Variants in SLC26A8 observed in about 807,000 individuals in gnomAD.
SLC26A8 encodes the protein testis anion transporter 1.
A neutral mutation model predicts 105.0 loss-of-function variants in SLC26A8; 70 were observed. The observed-to-expected ratio is 0.67, with a 90% CI of 0.55 to 0.81. The LOEUF (loss-of-function observed/expected upper bound fraction) is 0.81, where lower values mean the gene tolerates loss of function less well. Among genes scored for constraint, SLC26A8 ranks in the 40% least tolerant of loss-of-function variants. The pLI is 0.00. For missense variants in SLC26A8, 998 were observed against 1,181.8 expected, an observed-to-expected ratio of 0.84 and a Z score of 2.28; for synonymous variants, 415 against 438.3, an observed-to-expected ratio of 0.95 and a Z score of 0.66.
At chr6:36,011,697 T>A (rs1374472019) in intron 3 of SLC26A8, among the ~76,000 whole-genome samples, 4 of 152,170 alleles carry the variant, frequency 2.6e-5, no homozygotes. Flanking sequence ...AGTCTCGACC[T>A]CCTGGGCTCA....
intron 16 of SLC26A8, among the ~76,000 whole-genome samples, chr6:35,957,288 G>T (rs540340285): frequency 6.6e-6 from 1 of 151,082 alleles, no homozygotes; most frequent in African/African-American, 2.4e-5. Context: ...ATAATGAGAA[G>T]AATTCCTTTG....
At position 35,961,076 on chromosome 6, in the gene SLC26A8, T is replaced by C. The variant is rs1772290083; in HGVS notation, c.1485A>G (p.Ser495=). Residue 495 remains serine, a synonymous_variant, in exon 13 of 20, where the codon TCA becomes TCG. Transcript: ENST00000490799. Reference sequence around the variant, plus strand: ...TGTCCAGTCCCAGGAAAATTGAAGATGAGAATGTCATCATCCAAAGAGCCT... The same window carrying C: ...TGTCCAGTCCCAGGAAAATTGAAGACGAGAATGTCATCATCCAAAGAGCCT... ...YDCALWMMTF[S]SSIFLGLDIG... 2 of 1,613,966 alleles carry C rather than the reference T, an allele frequency of 1.2e-6. No individual in the cohort carries two copies. The highest frequency in any genetic ancestry group is 4.5e-5 in the East Asian group (2 of 44,872).
intron 3 of SLC26A8, among the ~76,000 whole-genome samples, chr6:36,005,262 A>G (rs535420352): frequency 7.9e-5 from 12 of 152,310 alleles, no homozygotes; most frequent in African/African-American, 2.2e-4. Context: ...TTAATATTTT[A>G]TATAGTCATA....
At position 35,944,439 on chromosome 6, in the gene SLC26A8, G is replaced by A. The variant is rs183157580; in HGVS notation, c.2473-99C>T. The A allele has an allele frequency of 4.0e-4, 319 of 802,156 alleles. 1 individual carries two copies. The African/African-American group carries it at 4.7e-3, about 12-fold the overall frequency. 49.7% of individuals were successfully genotyped at this position (802,156 alleles called of 1,614,324 possible). A position where few individuals can be genotyped will look rare whatever the true frequency, so the allele number is the denominator to read the frequency against. On this transcript the variant is annotated intron_variant, in intron 19 of 19. Transcript: ENST00000490799. The stretch of plus-strand genomic sequence containing the variant: ...TAATCCCAGCACTTTGAGAGGCTGG[G>A]GCAGGAGAATCGCTTTAGACCAGGA...
intron 17 of SLC26A8, among the ~76,000 whole-genome samples, chr6:35,954,657 A>G (rs1771988286): frequency 6.6e-6 from 1 of 152,168 alleles, no homozygotes; most frequent in Non-Finnish European, 1.5e-5. Context: ...GAATTGGTTC[A>G]TTTTAGGCTG....
rs754099409 is a variant in SLC26A8 at position 35,955,357 on chromosome 6, T to G, written c.2027A>C (p.Gln676Pro). The G allele has an allele frequency of 6.2e-7, 1 of 1,614,144 alleles. No homozygotes were observed. Among genetic ancestry groups the G allele is most frequent in the African/African-American group, 1.3e-5 (1 of 74,948 alleles). ...SSVSQKNQGQ[Q>P]YEEVEEVWLP... ...CCAAACTTCCTCCACCTCCTCATAC[T>G]GTTGCCCTTGATTTTTCTGAGACAC... The change falls in exon 17 of 20, where the codon CAG (glutamine) becomes CCG (proline). Residue 676 changes from glutamine (Q) to proline (P), a missense_variant. Coordinates refer to ENST00000490799, the MANE Select transcript of SLC26A8 (RefSeq NM_052961.4).
At position 35,992,580 on chromosome 6, in the gene SLC26A8, A is replaced by C; in HGVS notation, c.722T>G (p.Met241Arg). The change falls in exon 6 of 20, where the codon ATG becomes AGG. Residue 241 changes from methionine to arginine, a missense_variant. Met to Arg is a moderately conservative substitution (Grantham distance 91). Coordinates refer to ENST00000490799, the MANE Select transcript of SLC26A8 (RefSeq NM_052961.4). ...AYLAAVALHI[M>R]LSQLTFIFGI... ...AAAGATGAAAGTCAGCTGGGACAGCATGATATGAAGTGCCACAGCAGCCAG... is the reference window on the plus strand; with the variant it reads ...AAAGATGAAAGTCAGCTGGGACAGCCTGATATGAAGTGCCACAGCAGCCAG... 6.2e-7 allele frequency: 1 copy of C among 1,614,188 alleles called. No individual in the cohort carries two copies.
chr6:35,972,564 T>G (rs569477903), intron 10 of SLC26A8, among the ~76,000 whole-genome samples: 1 of 152,010 alleles, frequency 6.6e-6, no homozygotes, highest in South Asian at 2.1e-4. Flanking sequence ...TCAGCAACAT[T>G]CTCTGCTTGA....
chr6:36,000,155 C>A, intron 3 of SLC26A8, 47 bp from the exon 4 acceptor site: 1 of 1,230,440 alleles, frequency 8.1e-7, no homozygotes, highest in South Asian at 1.2e-5. Context: ...CTTTAAAAGT[C>A]ACCTTAAATA....
chr6:35,997,967 A>G, intron 4 of SLC26A8, 48 bp from the exon 5 acceptor site: 1 of 1,562,250 alleles, frequency 6.4e-7, no homozygotes, highest in Non-Finnish European at 8.8e-7. Flanking sequence ...AGTCCAGGTA[A>G]ACTGATATTG....
At chr6:35,957,849 G>T (rs999228616) in intron 16 of SLC26A8, among the ~76,000 whole-genome samples, 3 of 151,784 alleles carry the variant, frequency 2.0e-5, no homozygotes, top group African/African-American at 7.3e-5. Flanking sequence ...CAGGTGATCC[G>T]CCTGCCTCGG....
At chr6:35,953,380 CTTAA>C (rs60202804) in intron 17 of SLC26A8, among the ~76,000 whole-genome samples, 11,731 of 152,178 alleles carry the variant, frequency 0.077, 573 homozygotes, top group African/African-American at 0.14. Flanking sequence ...AAGTCAGATA[CTTAA>C]AAGTTTCAAT....
chr6:36,024,531 G>A lies in SLC26A8; in HGVS notation c.-30C>T. 1 of 426,366 alleles carries A rather than the reference G, an allele frequency of 2.3e-6. No homozygotes were observed. 26.4% of individuals were successfully genotyped at this position (426,366 alleles called of 1,614,324 possible). On this transcript the variant is annotated 5_prime_UTR_variant, in exon 1 of 20. Coordinates refer to ENST00000490799, the MANE Select transcript of SLC26A8 (RefSeq NM_052961.4). ...GGCTCCTTGGCGGGGGCGGGAGTGC[G>A]GGCGCTGGGATCCCACACGGCTCTC...
At chr6:35,987,283 A>G (rs537795701) in intron 7 of SLC26A8, among the ~76,000 whole-genome samples, 1 of 152,186 alleles carries the variant, frequency 6.6e-6, no homozygotes, top group African/African-American at 2.4e-5. Flanking sequence ...TTTTTTGCCC[A>G]CACAAAGTCC....
At chr6:35,995,533 C>T (rs897611614) in intron 5 of SLC26A8, among the ~76,000 whole-genome samples, 2 of 152,222 alleles carry the variant, frequency 1.3e-5, no homozygotes, top group African/African-American at 4.8e-5. Context: ...TACAATCAGA[C>T]AACCCTAAAA....
chr6:35,951,101 A>AC, intron 19 of SLC26A8, 62 bp downstream of exon 19: 327 of 1,071,976 alleles, frequency 3.1e-4, no homozygotes, highest in Non-Finnish European at 3.5e-4. Context: ...ACCACCCCTC[A>AC]CCCATCCCCC....
At chr6:35,968,603 GTGTGTGTATATA>G (rs1237886278) in intron 11 of SLC26A8, among the ~76,000 whole-genome samples, 1 of 52,394 alleles carries the variant, frequency 1.9e-5, no homozygotes, top group African/African-American at 5.5e-5. Flanking sequence ...GTGTGTGTGT[GTGTGTGTATATA>G]TATATATATA....
At position 35,951,360 on chromosome 6, in the gene SLC26A8, C is replaced by T. The variant is rs745823069; in HGVS notation, c.2288-13G>A. ...CTGACTATGGAAGCTAAAAACCAAA[C>T]CCAGAACACACACAATGTCAGATAC... On this transcript the variant is annotated splice_polypyrimidine_tract_variant and intron_variant, in intron 18 of 19. Coordinates refer to ENST00000490799, the MANE Select transcript of SLC26A8 (RefSeq NM_052961.4). The T allele has an allele frequency of 2.5e-6, 4 of 1,614,090 alleles. No individual in the cohort carries two copies.
At chr6:35,995,669 A>AT (rs3045894) in intron 5 of SLC26A8, among the ~76,000 whole-genome samples, 3,361 of 149,572 alleles carry the variant, frequency 0.022, 119 homozygotes, top group African/African-American at 0.076. Context: ...ACACCCAGCT[A>AT]TTTTTTTTTT....
Sources: gnomAD v4.1 joint callset for allele counts (sites outside exome capture counted in the v4.1 genomes callset) on GRCh38, gnomAD v4.1.1 for gene constraint, MANE v1.5 for transcripts, NCBI Gene and HGNC (gene_info 2026-07-23, HGNC 2026-07-21) for gene names.